The following MCL1 variants were observed in gnomAD, a reference collection of about 807,000 sequenced individuals.
MCL1 encodes the protein MCL1 apoptosis regulator, BCL2 family member.
A neutral mutation model predicts 24.2 loss-of-function variants in MCL1; 4 were observed. That is an observed-to-expected ratio of 0.17 (90% CI 0.08 to 0.38). The LOEUF (loss-of-function observed/expected upper bound fraction) is 0.38. MCL1 is among the 10% of genes least tolerant of loss of function. MCL1 has a pLI of 1.00. For synonymous variants in MCL1, 248 were observed against 214.0 expected (o/e 1.16, Z -1.39); for missense variants, 529 against 480.3 (o/e 1.10, Z -0.95).
At chr1:150,577,995 A>G (rs1647885074) in intron 2 of MCL1, among the ~76,000 whole-genome samples, 1 of 152,218 alleles carries the variant, frequency 6.6e-6, no homozygotes, top group African/African-American at 2.4e-5. Context: ...TCCACTGAAG[A>G]GTATTCAACT....
chr1:150,578,143 G>A (rs187293788), intron 2 of MCL1, 101 bp downstream of exon 2: 542 of 1,302,542 alleles, frequency 4.2e-4, no homozygotes, highest in Admixed American at 8.9e-4. Flanking sequence ...CCTGCAAACA[G>A]CCGTGCGTCA....
rs925013521 is a variant in MCL1 at position 150,579,455 on chromosome 1, C to T, written c.76G>A (p.Gly26Ser). Residue 26 changes from glycine (G) to serine (S), a missense_variant, in exon 1 of 3, where the codon GGC becomes AGC. Physicochemically the swap from Gly to Ser is moderately conservative, Grantham distance 56. Coordinates refer to ENST00000369026, the MANE Select transcript of MCL1 (RefSeq NM_021960.5). ...CGGAGLGAGSGGATRPGGRLL... is the reference protein window; with the variant it reads ...CGGAGLGAGSSGATRPGGRLL... The stretch of plus-strand genomic sequence containing the variant: ...CGCCCTCCCGGGCGGGTGGCGCCGC[C>T]GCTGCCGGCCCCCAAGCCGGCCCCC... 3 of 1,592,192 alleles carry T rather than the reference C, an allele frequency of 1.9e-6. No homozygotes were observed. The highest frequency in any genetic ancestry group is 1.7e-5 in the Admixed American group (1 of 58,072).
At position 150,576,692 on chromosome 1, in the gene MCL1, A is replaced by C. The variant is rs1647821156; in HGVS notation, c.*683T>G. On this transcript the variant is annotated 3_prime_UTR_variant, in exon 3 of 3. Coordinates refer to ENST00000369026, the MANE Select transcript of MCL1 (RefSeq NM_021960.5). ...TGTAAAAATATATACAATTTTTACA[A>C]ATACATTTACAAGCTGTCTTAAGAA... 8.6e-6 allele frequency: 2 copies of C among 232,370 alleles called. No homozygotes were observed. The highest frequency in any genetic ancestry group is 1.8e-4 in the South Asian group (1 of 5,526). The allele number at this position is 232,370 out of a possible 1,614,324, so 14.4% of individuals were successfully genotyped here. A position where few individuals can be genotyped will look rare whatever the true frequency, so the allele number is the denominator to read the frequency against.
At chr1:150,578,122 T>C (rs1163314663) in intron 2 of MCL1, 122 bp downstream of exon 2, 17 of 1,062,100 alleles carry the variant, frequency 1.6e-5, no homozygotes, top group East Asian at 2.4e-5. Context: ...ACAATGGTCC[T>C]TTAGTTAGAG....
At position 150,575,684 on chromosome 1, in the gene MCL1, G is replaced by C. The variant is rs1647767916; in HGVS notation, c.*1691C>G. On this transcript the variant is annotated 3_prime_UTR_variant, in exon 3 of 3. Transcript: ENST00000369026. ...CACCTGCTAACAGGATCAAGTTCGTGAAAGATGAAAGGTCTGTGGACTCTT... is the reference window on the plus strand; with the variant it reads ...CACCTGCTAACAGGATCAAGTTCGTCAAAGATGAAAGGTCTGTGGACTCTT... 4.3e-6 allele frequency: 1 copy of C among 233,090 alleles called. No homozygotes were observed. The highest frequency in any genetic ancestry group is 8.5e-6 in the Non-Finnish European group (1 of 117,998). The allele number at this position is 233,090 out of a possible 1,614,324, so 14.4% of individuals were successfully genotyped here. A position where few individuals can be genotyped will look rare whatever the true frequency, so the allele number is the denominator to read the frequency against.
In MCL1 at chr1:150,579,270, G is replaced by A. The variant is rs1242601733; in HGVS notation, c.261C>T (p.Pro87=). The part of the protein sequence containing the change: ...ARPPPIGAEV[P]DVTATPARLL... Reference sequence around the variant, plus strand: ...GCCTCGCGGGGGTCGCGGTGACGTCGGGGACCTCGGCGCCAATGGGCGGCG... The same window carrying A: ...GCCTCGCGGGGGTCGCGGTGACGTCAGGGACCTCGGCGCCAATGGGCGGCG... The change falls in exon 1 of 3, where the codon CCC becomes CCT. Residue 87 remains proline, a synonymous_variant. Transcript: ENST00000369026. 13 of 1,491,094 alleles carry A rather than the reference G, an allele frequency of 8.7e-6. No individual in the cohort carries two copies. The South Asian group carries it at 1.2e-4, about 14-fold the overall frequency. 92.4% of individuals were successfully genotyped at this position (1,491,094 alleles called of 1,614,324 possible). A position where few individuals can be genotyped will look rare whatever the true frequency, so the allele number is the denominator to read the frequency against.
rs1166450017 is a variant in MCL1, at chr1:150,575,059, T to C, written c.*2316A>G. The C allele has an allele frequency of 8.6e-6, 2 of 233,334 alleles. No individual in the cohort carries two copies. Among genetic ancestry groups the C allele is most frequent in the African/African-American group, 2.2e-5 (1 of 45,322 alleles). The allele number at this position is 233,334 out of a possible 1,614,324, so 14.5% of individuals were successfully genotyped here. ...TGGGGCCCCTAAAAACCAATTCACA[T>C]CTATGCACTTGTTTCCACTGGATTT... is the stretch of plus-strand genomic sequence containing the variant. On this transcript the variant is annotated 3_prime_UTR_variant, in exon 3 of 3. Transcript: ENST00000369026.
intron 2 of MCL1, 41 bp downstream of exon 2, chr1:150,578,202 AC>A (rs1162995026): frequency 6.3e-7 from 1 of 1,585,402 alleles, no homozygotes; most frequent in African/African-American, 1.4e-5. Context: ...CCTTCATTCT[AC>A]TTCCACTCCA....
chr1:150,578,693 A>C lies in MCL1; in HGVS notation c.688+150T>G, dbSNP rs1647925883. The stretch of plus-strand genomic sequence containing the variant: ...AGAATCAAGATGGGCGGAAACAATG[A>C]CTCATGGCCAGAATATTCTGGCTTC... On this transcript the variant is annotated intron_variant, in intron 1 of 2. Coordinates refer to ENST00000369026, the MANE Select transcript of MCL1 (RefSeq NM_021960.5). The C allele has an allele frequency of 3.1e-5, 32 of 1,025,486 alleles. No individual in the cohort carries two copies. In the South Asian group the frequency reaches 5.2e-4, roughly 17 times the overall value. The allele number at this position is 1,025,486 out of a possible 1,614,324, so 63.5% of individuals were successfully genotyped here. A position where few individuals can be genotyped will look rare whatever the true frequency, so the allele number is the denominator to read the frequency against.
In MCL1 at chr1:150,579,373, G is replaced by A. The variant is rs2101700319; in HGVS notation, c.158C>T (p.Ala53Val). The A allele has an allele frequency of 6.7e-7, 1 of 1,500,582 alleles. No individual in the cohort carries two copies. The highest frequency in any genetic ancestry group is 8.8e-7 in the Non-Finnish European group (1 of 1,133,582). The allele number at this position is 1,500,582 out of a possible 1,614,324, so 93.0% of individuals were successfully genotyped here. The change falls in exon 1 of 3, where the codon GCC becomes GTC. Residue 53 changes from alanine to valine, a missense_variant. Physicochemically the swap from Ala to Val is moderately conservative, Grantham distance 64 (BLOSUM62 0). Transcript: ENST00000369026. ...GGCGCTTCCGCCAATCACCGCGCCGGCCTCCCCTCCCCCTATCTCTCGCCG... is the reference window on the plus strand; with the variant it reads ...GGCGCTTCCGCCAATCACCGCGCCGACCTCCCCTCCCCCTATCTCTCGCCG... ...SARREIGGGEAGAVIGGSAGA... is the reference protein window; with the variant it reads ...SARREIGGGEVGAVIGGSAGA...
intron 2 of MCL1, 78 bp from the exon 3 acceptor site, chr1:150,577,569 T>C: frequency 2.1e-6 from 3 of 1,400,074 alleles, no homozygotes; most frequent in Admixed American, 2.5e-5. Flanking sequence ...AGAGAGAAGG[T>C]AAATTAAAAT....
At position 150,579,337 on chromosome 1, in the gene MCL1, G is replaced by A. The variant is rs1473394310; in HGVS notation, c.194C>T (p.Pro65Leu). The A allele has an allele frequency of 6.8e-7, 1 of 1,470,800 alleles. No homozygotes were observed. The highest frequency in any genetic ancestry group is 1.5e-5 in the African/African-American group (1 of 67,506). The allele number at this position is 1,470,800 out of a possible 1,614,324, so 91.1% of individuals were successfully genotyped here. Reference sequence around the variant, plus strand: ...GGAGTCTGGCGTGAGGGTGGACGGGGGGCTTGCGCCGGCGCTTCCGCCAAT... The same window carrying A: ...GGAGTCTGGCGTGAGGGTGGACGGGAGGCTTGCGCCGGCGCTTCCGCCAAT... ...AVIGGSAGAS[P>L]PSTLTPDSRR... Residue 65 changes from proline to leucine, a missense_variant, in exon 1 of 3, where the codon CCC becomes CTC. Transcript: ENST00000369026.
In MCL1 at chr1:150,578,865, G is replaced by A. The variant is rs587671667; in HGVS notation, c.666C>T (p.Arg222=). ...TACCTTGGAAGGCCGTCTCGTGGTT[G>A]CGCTGCACGCCATCCCCAACCCGTC... The part of the protein sequence containing the change: ...TLRRVGDGVQ[R]NHETAFQGML... Residue 222 remains arginine, a synonymous_variant, in exon 1 of 3, where the codon CGC becomes CGT. Coordinates refer to ENST00000369026, the MANE Select transcript of MCL1 (RefSeq NM_021960.5). 31 of 1,612,948 alleles carry A rather than the reference G, an allele frequency of 1.9e-5. No homozygotes were observed. The African/African-American group carries it at 3.9e-4, about 20-fold the overall frequency.
chr1:150,578,945 TGTC>T lies in MCL1; in HGVS notation c.583_585del (p.Asp195del). Reference sequence around the variant, plus strand: ...GCCCCAGACCTGCCCATTGGCTTTGTGTCCTTGGCGCCGGTGGCCTGCTCCCGA... The same window carrying T: ...GCCCCAGACCTGCCCATTGGCTTTGTCTTGGCGCCGGTGGCCTGCTCCCGA... On this transcript the variant is annotated inframe_deletion, in exon 1 of 3. Transcript: ENST00000369026. 6.2e-7 allele frequency: 1 copy of T among 1,613,770 alleles called. No homozygotes were observed. Among genetic ancestry groups the T allele is most frequent in the Non-Finnish European group, 8.5e-7 (1 of 1,180,036 alleles).
intron 2 of MCL1, 26 bp from the exon 3 acceptor site, chr1:150,577,517 T>G (rs1647861681): frequency 6.5e-7 from 1 of 1,543,806 alleles, no homozygotes; most frequent in South Asian, 1.2e-5. Flanking sequence ...GAAAAGCACA[T>G]TTTCAAGTAT....
intron 2 of MCL1, 82 bp from the exon 3 acceptor site, chr1:150,577,573 T>A: frequency 7.2e-7 from 1 of 1,398,160 alleles, no homozygotes; most frequent in Non-Finnish European, 9.6e-7. Context: ...AGAAGGTAAA[T>A]TAAAATATCT....
In MCL1 at chr1:150,579,086, C is replaced by T. The variant is rs746792176; in HGVS notation, c.445G>A (p.Glu149Lys). 2 of 1,613,170 alleles carry T rather than the reference C, an allele frequency of 1.2e-6. No homozygotes were observed. The highest frequency in any genetic ancestry group is 1.7e-5 in the Admixed American group (1 of 60,026). Residue 149 changes from glutamate (E) to lysine (K), a missense_variant, in exon 1 of 3, where the codon GAA becomes AAA. Coordinates refer to ENST00000369026, the MANE Select transcript of MCL1 (RefSeq NM_021960.5). ...TCCGTACTGGTGTTATTACCAGATT[C>T]CCCGACCAACTCCAGCAGCGGCAGG... ...AVLPLLELVG[E>K]SGNNTSTDGS... is the part of the protein sequence containing the mutation.
rs1381584082 is a variant in MCL1 at position 150,574,605 on chromosome 1, G to C, written c.*2770C>G. The C allele has an allele frequency of 1.7e-5, 4 of 231,888 alleles. No homozygotes were observed. The highest frequency in any genetic ancestry group is 3.4e-5 in the Non-Finnish European group (4 of 117,082). 14.4% of individuals were successfully genotyped at this position (231,888 alleles called of 1,614,324 possible). On this transcript the variant is annotated 3_prime_UTR_variant, in exon 3 of 3. Coordinates refer to ENST00000369026, the MANE Select transcript of MCL1 (RefSeq NM_021960.5). ...TTTTCTCAGGAAAAACAGAAAGTTA[G>C]GGAAACACACTACATTTGACAACCA...
rs1647805770 is a variant in MCL1, at chr1:150,576,402, AAAG to A, written c.*970_*972del. On this transcript the variant is annotated 3_prime_UTR_variant, in exon 3 of 3. Transcript: ENST00000369026. ...ATCAACCTCTCAATCCCAGGTTTTC[AAAG>A]AAAAACCTAAGGAATACTTACCAAA... 1 of 88,904 alleles carries A rather than the reference AAAG, an allele frequency of 1.1e-5. No homozygotes were observed. The highest frequency in any genetic ancestry group is 2.0e-5 in the Non-Finnish European group (1 of 51,082). The allele number at this position is 88,904 out of a possible 1,614,324, so 5.5% of individuals were successfully genotyped here.
Sources: allele counts gnomAD v4.1 joint callset (sites outside exome capture counted in the v4.1 genomes callset), GRCh38; gene constraint gnomAD v4.1.1; transcripts MANE v1.5; gene names NCBI Gene and HGNC (gene_info 2026-07-23, HGNC 2026-07-21).